The following DAB1 variants were observed in gnomAD, a reference collection of about 807,000 sequenced individuals.
DAB1 encodes disabled homolog 1.
DAB1 carries 15 observed loss-of-function variants against 64.6 expected under a neutral mutation model. The observed-to-expected ratio is 0.23, with a 90% CI of 0.16 to 0.36. DAB1 has a LOEUF of 0.36. Ranked by LOEUF, DAB1 falls within the 10% of genes least tolerant of loss-of-function variation. The pLI is 1.00. For missense variants in DAB1, 596 were observed against 706.7 expected (o/e 0.84, Z 1.78); for synonymous variants, 235 against 251.9 (o/e 0.93, Z 0.64).
intron 3 of DAB1, among the ~76,000 whole-genome samples, chr1:58,439,577 G>A (rs766146256): frequency 4.6e-5 from 7 of 152,144 alleles, no homozygotes; most frequent in Non-Finnish European, 8.8e-5. Flanking sequence ...TACTCTGTGC[G>A]AGACCACTGG....
chr1:57,993,091 G>A (rs1222613515), intron 5 of DAB1, among the ~76,000 whole-genome samples: 1 of 152,134 alleles, frequency 6.6e-6, no homozygotes, highest in African/African-American at 2.4e-5. Flanking sequence ...AAAAGCCCAA[G>A]CTTTTCCTAT....
At chr1:57,539,596 G>A (rs1644776391) in intron 7 of DAB1, among the ~76,000 whole-genome samples, 1 of 152,178 alleles carries the variant, frequency 6.6e-6, no homozygotes, top group Non-Finnish European at 1.5e-5. Flanking sequence ...GAATAATTCT[G>A]ATTGGGACAG....
At chr1:57,582,746 G>A (rs1004304028) in intron 7 of DAB1, among the ~76,000 whole-genome samples, 4 of 152,240 alleles carry the variant, frequency 2.6e-5, no homozygotes, top group Non-Finnish European at 5.9e-5. Flanking sequence ...CACAGTCCCT[G>A]TCTCATGACA....
At chr1:57,348,548 A>C (rs1397271345) in intron 1 of DAB1, among the ~76,000 whole-genome samples, 1 of 152,226 alleles carries the variant, frequency 6.6e-6, no homozygotes, top group African/African-American at 2.4e-5. Context: ...CCCGTTGTAC[A>C]GATGAAATAA....
At chr1:57,647,672 G>T (rs1646209649) in intron 7 of DAB1, among the ~76,000 whole-genome samples, 1 of 152,118 alleles carries the variant, frequency 6.6e-6, no homozygotes. Context: ...ATATCAATAG[G>T]TGATAAGGAT....
At chr1:57,174,945 G>A (rs1857743) in intron 2 of DAB1, among the ~76,000 whole-genome samples, 261 of 152,222 alleles carry the variant, frequency 1.7e-3, no homozygotes, top group African/African-American at 6.0e-3. Context: ...GAAAAATGAA[G>A]TTCAAGTTCA....
At chr1:57,583,787 G>A (rs1020256926) in intron 7 of DAB1, among the ~76,000 whole-genome samples, 16 of 152,158 alleles carry the variant, frequency 1.1e-4, no homozygotes, top group Non-Finnish European at 2.1e-4. Flanking sequence ...GTGGAAAAAT[G>A]AATCTTGTCA....
chr1:57,656,666 T>G (rs1646322870), intron 6 of DAB1, among the ~76,000 whole-genome samples: 1 of 152,214 alleles, frequency 6.6e-6, no homozygotes, highest in Non-Finnish European at 1.5e-5. Context: ...AGTAAACGTT[T>G]TAATAAGCAC....
At chr1:57,916,280 G>A (rs1024833404) in intron 5 of DAB1, among the ~76,000 whole-genome samples, 1 of 152,140 alleles carries the variant, frequency 6.6e-6, no homozygotes, top group Non-Finnish European at 1.5e-5. Context: ...CCCAGACAAT[G>A]AAATTACCAT....
intron 3 of DAB1, among the ~76,000 whole-genome samples, chr1:58,383,129 T>C (rs943800816): frequency 3.3e-5 from 5 of 152,256 alleles, no homozygotes; most frequent in African/African-American, 1.2e-4. Flanking sequence ...CAAAGAAGTA[T>C]TCATGGACCT....
intron 9 of DAB1, among the ~76,000 whole-genome samples, chr1:57,052,754 A>C (rs1450308331): frequency 6.6e-6 from 1 of 152,178 alleles, no homozygotes; most frequent in Non-Finnish European, 1.5e-5. Flanking sequence ...AATCCCCTTC[A>C]CGATATAGGA....
intron 7 of DAB1, among the ~76,000 whole-genome samples, chr1:57,487,201 T>C (rs1342825483): frequency 2.0e-5 from 3 of 152,282 alleles, no homozygotes; most frequent in East Asian, 3.9e-4. Flanking sequence ...GAGGTAGATA[T>C]AGTTCCTCTT....
At chr1:58,262,500 G>A (rs574233633) in intron 4 of DAB1, among the ~76,000 whole-genome samples, 6 of 152,178 alleles carry the variant, frequency 3.9e-5, no homozygotes, top group South Asian at 4.1e-4. Flanking sequence ...CAGGAGAATC[G>A]CTTGAACTCG....
intron 3 of DAB1, among the ~76,000 whole-genome samples, chr1:58,500,830 T>C (rs986651203): frequency 2.0e-5 from 3 of 152,204 alleles, no homozygotes; most frequent in Admixed American, 6.5e-5. Context: ...TCTAAATGTT[T>C]TCAGTTTTAA....
At chr1:57,296,541 T>A (rs1324515443) in intron 1 of DAB1, among the ~76,000 whole-genome samples, 2 of 151,998 alleles carry the variant, frequency 1.3e-5, no homozygotes, top group Non-Finnish European at 2.9e-5. Flanking sequence ...AGAAATTAAG[T>A]GCTCAAAACA....
At chr1:58,148,051 T>A (rs1460650126) in intron 5 of DAB1, among the ~76,000 whole-genome samples, 1 of 150,248 alleles carries the variant, frequency 6.7e-6, no homozygotes, top group Non-Finnish European at 1.5e-5. Context: ...ACAAATGGAA[T>A]TCAAAATCCA....
intron 7 of DAB1, among the ~76,000 whole-genome samples, chr1:57,613,655 T>C (rs934113934): frequency 1.8e-4 from 28 of 152,288 alleles, no homozygotes; most frequent in South Asian, 6.2e-4. Context: ...TCTAAAATAA[T>C]ACTGCAAGAG....
intron 7 of DAB1, among the ~76,000 whole-genome samples, chr1:57,475,221 G>C (rs1643919904): frequency 6.6e-6 from 1 of 152,162 alleles, no homozygotes; most frequent in Non-Finnish European, 1.5e-5. Flanking sequence ...AGGTTGCAGT[G>C]AGCTGATATC....
At chr1:57,991,845 CA>C (rs56324635) in intron 5 of DAB1, among the ~76,000 whole-genome samples, 140 of 60,128 alleles carry the variant, frequency 2.3e-3, no homozygotes, top group African/African-American at 9.5e-3. Context: ...GGCTCTGTCT[CA>C]AAAAAAAAAA....
Sources: gnomAD v4.1 joint callset for allele counts (sites outside exome capture counted in the v4.1 genomes callset) on GRCh38, gnomAD v4.1.1 for gene constraint, MANE v1.5 for transcripts, NCBI Gene and HGNC (gene_info 2026-07-23, HGNC 2026-07-21) for gene names.